The following EPB41L4B variants were observed in gnomAD, a reference collection of about 807,000 sequenced individuals.
EPB41L4B encodes the protein band 4.1-like protein 4B.
A neutral mutation model predicts 112.5 loss-of-function variants in EPB41L4B; 30 were observed. The observed-to-expected ratio is 0.27, with a 90% CI of 0.20 to 0.36. The LOEUF (loss-of-function observed/expected upper bound fraction) is 0.36, where lower values mean the gene tolerates loss of function less well. Ranked by LOEUF, EPB41L4B falls within the 10% of genes least tolerant of loss-of-function variation. The pLI is 1.00. For missense variants in EPB41L4B, 1,024 were observed against 1,133.3 expected (o/e 0.90, Z 1.38); for synonymous variants, 408 against 439.7 (o/e 0.93, Z 0.90).
At chr9:109,240,823 A>C in intron 15 of EPB41L4B, 1 of 985,460 alleles carries the variant, frequency 1.0e-6, no homozygotes, top group South Asian at 4.7e-5. Context: ...TGTATTCACA[A>C]TTATGTCTTC....
At chr9:109,246,686 G>A (rs1834570826) in intron 14 of EPB41L4B, among the ~76,000 whole-genome samples, 1 of 152,254 alleles carries the variant, frequency 6.6e-6, no homozygotes, top group Non-Finnish European at 1.5e-5. Context: ...CACCCACAGT[G>A]GCTTAGGAAG....
intron 15 of EPB41L4B, among the ~76,000 whole-genome samples, chr9:109,222,728 G>T (rs1358057847): frequency 6.6e-6 from 1 of 152,204 alleles, no homozygotes; most frequent in Non-Finnish European, 1.5e-5. Flanking sequence ...GCTGGCAGTT[G>T]AAAAGAAATC....
chr9:109,226,666 AGAATATATATATATGAAGAATATATATAT>A (rs1410171784), intron 15 of EPB41L4B, among the ~76,000 whole-genome samples: 980 of 82,078 alleles, frequency 0.012, 23 homozygotes, highest in Admixed American at 0.019. Context: ...ATATATATGA[AGAATATATATATATGAAGAATATATATAT>A]GAATATATAT....
intron 24 of EPB41L4B, among the ~76,000 whole-genome samples, chr9:109,177,043 T>C (rs1831869232): frequency 6.6e-6 from 1 of 152,230 alleles, no homozygotes; most frequent in Non-Finnish European, 1.5e-5. Context: ...GTAAACATTC[T>C]GATATCGGGA....
Position 109,320,510 on chromosome 9 carries a change from C to CCGCTGA in EPB41L4B, c.-65_-64insTCAGCG. On this transcript the variant is annotated 5_prime_UTR_variant, in exon 1 of 26. Coordinates refer to ENST00000374566, the MANE Select transcript of EPB41L4B (RefSeq NM_019114.5). ...GCCGCTGCCGCTGCCGCTGCCGCTG[C>CCGCTGA]GCCGCCGCCCGGGAGCGTCCCGCGA... The CCGCTGA allele has an allele frequency of 1.1e-6, 1 of 881,054 alleles. No individual in the cohort carries two copies. The highest frequency in any genetic ancestry group is 1.4e-6 in the Non-Finnish European group (1 of 736,474). The allele number at this position is 881,054 out of a possible 1,614,324, so 54.6% of individuals were successfully genotyped here.
intron 22 of EPB41L4B, 63 bp downstream of exon 22, chr9:109,192,215 C>T (rs1832483703): frequency 1.5e-6 from 2 of 1,329,474 alleles, no homozygotes; most frequent in Admixed American, 2.0e-5. Context: ...GTCCATCCGT[C>T]CCACTGCCAA....
intron 1 of EPB41L4B, among the ~76,000 whole-genome samples, chr9:109,308,300 C>T (rs868440467): frequency 6.6e-6 from 1 of 152,108 alleles, no homozygotes; most frequent in Middle Eastern, 3.2e-3. Context: ...TCTTACTGAT[C>T]TCTGTGTGCT....
chr9:109,270,845 T>C (rs569057599), intron 2 of EPB41L4B, among the ~76,000 whole-genome samples: 1 of 152,328 alleles, frequency 6.6e-6, no homozygotes, highest in Non-Finnish European at 1.5e-5. Flanking sequence ...TGTGTATTAG[T>C]ATTACCATCA....
intron 15 of EPB41L4B, chr9:109,241,912 T>C: frequency 1.7e-6 from 2 of 1,163,502 alleles, no homozygotes; most frequent in Non-Finnish European, 2.5e-6. Flanking sequence ...GGGGGAACCA[T>C]GAGCCATGTG....
intron 1 of EPB41L4B, among the ~76,000 whole-genome samples, chr9:109,284,938 T>C (rs1488723278): frequency 6.6e-6 from 1 of 152,258 alleles, no homozygotes; most frequent in Non-Finnish European, 1.5e-5. Flanking sequence ...GTAACACTTT[T>C]AGCAGCAGGA....
At chr9:109,285,467 T>G (rs1057433413) in intron 1 of EPB41L4B, among the ~76,000 whole-genome samples, 3 of 152,192 alleles carry the variant, frequency 2.0e-5, no homozygotes, top group Non-Finnish European at 2.9e-5. Flanking sequence ...GATGCTTTTT[T>G]AAATATATCT....
chr9:109,263,315 T>G (rs1213915680), intron 5 of EPB41L4B, among the ~76,000 whole-genome samples: 2 of 152,208 alleles, frequency 1.3e-5, no homozygotes, highest in Non-Finnish European at 2.9e-5. Flanking sequence ...AATAACCCAA[T>G]GTAGGTATAG....
chr9:109,187,071 G>A (rs1832296908), intron 22 of EPB41L4B, among the ~76,000 whole-genome samples: 1 of 152,182 alleles, frequency 6.6e-6, no homozygotes, highest in Non-Finnish European at 1.5e-5. Flanking sequence ...GATGCTTGAT[G>A]TTAGGAGAGG....
Position 109,226,653 on chromosome 9 carries a change from AATATATATATGAAGAAT to A in EPB41L4B, c.1410-9525_1410-9509del, listed in dbSNP as rs1207982152. 4.5e-4 allele frequency among the ~76,000 whole-genome samples: 49 copies of A among 109,960 alleles called. 3 individuals are homozygous for A. The highest frequency in any genetic ancestry group is 8.9e-3 in the Middle Eastern group (2 of 224). The allele number at this position is 109,960 out of a possible 152,430, so 72.1% of individuals were successfully genotyped here. ...ATGAAGAATATATATATATATGAAG[AATATATATATGAAGAAT>A]ATATATATATGAAGAATATATATAT... On this transcript the variant is annotated intron_variant, in intron 15 of 25. Coordinates refer to ENST00000374566, the MANE Select transcript of EPB41L4B (RefSeq NM_019114.5).
intron 17 of EPB41L4B, among the ~76,000 whole-genome samples, chr9:109,208,486 T>G (rs971722275): frequency 1.3e-5 from 2 of 152,226 alleles, no homozygotes; most frequent in African/African-American, 4.8e-5. Context: ...CAACAAATCT[T>G]GCAGAAAATT....
At chr9:109,248,782 G>A (rs1194032781) in intron 13 of EPB41L4B, among the ~76,000 whole-genome samples, 14 of 151,994 alleles carry the variant, frequency 9.2e-5, no homozygotes, top group East Asian at 1.9e-4. Context: ...TATATAGGCC[G>A]GGCGTGGTAG....
At chr9:109,317,826 T>A (rs1353740253) in intron 1 of EPB41L4B, among the ~76,000 whole-genome samples, 2 of 151,996 alleles carry the variant, frequency 1.3e-5, no homozygotes, top group Non-Finnish European at 2.9e-5. Flanking sequence ...CAAAAGAGAA[T>A]AATGACAAGC....
At chr9:109,283,206 G>T (rs1413115743) in intron 1 of EPB41L4B, among the ~76,000 whole-genome samples, 1 of 152,156 alleles carries the variant, frequency 6.6e-6, no homozygotes, top group Non-Finnish European at 1.5e-5. Flanking sequence ...TTACACTAAG[G>T]GCTTCTGGGC....
At chr9:109,251,401 T>C (rs1457875745) in intron 13 of EPB41L4B, 80 bp downstream of exon 13, 2 of 1,358,282 alleles carry the variant, frequency 1.5e-6, no homozygotes, top group Non-Finnish European at 2.1e-6. Context: ...GATTTCACTG[T>C]AGTAAGGAAA....
Sources: allele counts gnomAD v4.1 joint callset (sites outside exome capture counted in the v4.1 genomes callset), GRCh38; gene constraint gnomAD v4.1.1; transcripts MANE v1.5; gene names NCBI Gene and HGNC (gene_info 2026-07-23, HGNC 2026-07-21).